The following USP39 variants were observed in gnomAD, a reference collection of about 807,000 sequenced individuals.
The protein encoded by USP39 is ubiquitin carboxyl-terminal hydrolase 39.
A neutral mutation model predicts 66.4 loss-of-function variants in USP39; 38 were observed. The observed-to-expected ratio is 0.57, with a 90% CI of 0.44 to 0.75. The LOEUF is 0.75. Among genes scored for constraint, USP39 ranks in the 30% least tolerant of loss-of-function variants. The pLI is 0.00. For missense variants in USP39, 608 were observed against 714.4 expected, an observed-to-expected ratio of 0.85 and a Z score of 1.70; for synonymous variants, 303 against 274.6, an observed-to-expected ratio of 1.10 and a Z score of -1.02.
Position 85,648,859 on chromosome 2 carries a change from T to A in USP39, c.*51T>A, listed in dbSNP as rs757560538. Reference sequence around the variant, plus strand: ...AAGGGCTGTGGCTGATGATGGTAAATAAGAACACAGAAGCTGTAGCTGAAC... The same window carrying A: ...AAGGGCTGTGGCTGATGATGGTAAAAAAGAACACAGAAGCTGTAGCTGAAC... On this transcript the variant is annotated 3_prime_UTR_variant, in exon 13 of 13. Coordinates refer to ENST00000323701, the MANE Select transcript of USP39 (RefSeq NM_006590.4). 1.2e-6 allele frequency: 2 copies of A among 1,606,502 alleles called. No individual in the cohort carries two copies. The highest frequency in any genetic ancestry group is 1.7e-6 in the Non-Finnish European group (2 of 1,174,762).
upstream of USP39, chr2:85,611,138 G>A: frequency 1.9e-6 from 1 of 517,926 alleles, no homozygotes; most frequent in South Asian, 4.1e-5. Flanking sequence ...TACTCGGGAG[G>A]CTAAGGCTGC....
Position 85,641,011 on chromosome 2 carries a change from C to T in USP39, c.1320C>T (p.Arg440=). 6.2e-7 allele frequency: 1 copy of T among 1,613,676 alleles called. No homozygotes were observed. Reference sequence around the variant, plus strand: ...CTTACAAGGAGAACTTTCTGAAGCGCTTCCAGCTTACCAAGTTGCCTCCAT... The same window carrying T: ...CTTACAAGGAGAACTTTCTGAAGCGTTTCCAGCTTACCAAGTTGCCTCCAT... ...YKTYKENFLK[R]FQLTKLPPYL... The change falls in exon 10 of 13, where the codon CGC becomes CGT. Residue 440 remains arginine (R), a synonymous_variant. Coordinates refer to ENST00000323701, the MANE Select transcript of USP39 (RefSeq NM_006590.4).
At chr2:85,604,103 G>A (rs1010364844) in intron 1 of USP39, among the ~76,000 whole-genome samples, 4 of 152,164 alleles carry the variant, frequency 2.6e-5, no homozygotes, top group Non-Finnish European at 5.9e-5. Flanking sequence ...AAACAACAGG[G>A]TCCTGTGCTT....
chr2:85,635,556 T>C (rs1025455183), intron 6 of USP39, among the ~76,000 whole-genome samples: 1 of 151,696 alleles, frequency 6.6e-6, no homozygotes, highest in African/African-American at 2.4e-5. Context: ...TGAGACTCTG[T>C]CTCAAAAAAA....
intron 9 of USP39, among the ~76,000 whole-genome samples, chr2:85,640,747 A>G (rs1029477969): frequency 7.0e-6 from 1 of 142,320 alleles, no homozygotes; most frequent in Non-Finnish European, 1.5e-5. Flanking sequence ...TGATAGGATT[A>G]TAGGTGTGAG....
chr2:85,606,131 T>C (rs1335866129), intron 1 of USP39, among the ~76,000 whole-genome samples: 1 of 152,232 alleles, frequency 6.6e-6, no homozygotes, highest in Non-Finnish European at 1.5e-5. Flanking sequence ...GAACATTCCA[T>C]ATTGAATGGG....
chr2:85,618,451 A>G (rs1210962735), intron 1 of USP39, among the ~76,000 whole-genome samples: 1 of 151,324 alleles, frequency 6.6e-6, no homozygotes, highest in Non-Finnish European at 1.5e-5. Context: ...AGTCCCAGCT[A>G]CTCGGGAGGC....
At chr2:85,621,446 T>G in intron 2 of USP39, 39 bp from the exon 3 acceptor site, 5 of 1,587,414 alleles carry the variant, frequency 3.1e-6, no homozygotes, top group Non-Finnish European at 4.3e-6. Context: ...CCTTCCTACA[T>G]GTCCATCCTA....
intron 8 of USP39, among the ~76,000 whole-genome samples, chr2:85,638,838 A>G (rs1459782466): frequency 2.3e-5 from 3 of 132,308 alleles, no homozygotes; most frequent in African/African-American, 5.5e-5. Context: ...TGCCCGGCCA[A>G]TTTTTTTTTT....
intron 4 of USP39, 22 bp downstream of exon 4, chr2:85,623,804 T>A (rs760874160): frequency 1.9e-6 from 3 of 1,600,578 alleles, no homozygotes; most frequent in Non-Finnish European, 2.6e-6. Flanking sequence ...AGAGGGTTGG[T>A]TTGGGGTCCA....
At chr2:85,630,972 G>A in intron 6 of USP39, 26 bp downstream of exon 6, 2 of 1,599,836 alleles carry the variant, frequency 1.3e-6, no homozygotes, top group Non-Finnish European at 8.5e-7. Flanking sequence ...TCATGTTTCA[G>A]GACAACAAAA....
intron 8 of USP39, among the ~76,000 whole-genome samples, chr2:85,638,978 C>A (rs1313883755): frequency 6.6e-6 from 1 of 151,962 alleles, no homozygotes; most frequent in East Asian, 1.9e-4. Context: ...GGCCTCAGGG[C>A]TTTTTAGATA....
chr2:85,629,026 TA>T (rs1675099837), intron 5 of USP39, among the ~76,000 whole-genome samples: 1 of 152,170 alleles, frequency 6.6e-6, no homozygotes, highest in Non-Finnish European at 1.5e-5. Context: ...ACTGCATTTT[TA>T]TTTAGGGTGT....
chr2:85,617,417 C>G (rs1316717714), intron 1 of USP39, among the ~76,000 whole-genome samples: 1 of 152,334 alleles, frequency 6.6e-6, no homozygotes, highest in East Asian at 1.9e-4. Flanking sequence ...TGTGCACGTA[C>G]TGCGACCATT....
intron 11 of USP39, 152 bp downstream of exon 11, chr2:85,645,235 GTGGT>G (rs896154647): frequency 1.0e-4 from 105 of 1,037,106 alleles, no homozygotes; most frequent in Non-Finnish European, 4.6e-5. Flanking sequence ...GTTTAAGGCA[GTGGT>G]TCTCAATTTT....
In USP39 at chr2:85,637,354, T is replaced by C. The variant is rs778039217; in HGVS notation, c.1028-15T>C. 5 of 1,614,172 alleles carry C rather than the reference T, an allele frequency of 3.1e-6. No individual in the cohort carries two copies. Among genetic ancestry groups the C allele is most frequent in the Non-Finnish European group, 4.2e-6 (5 of 1,180,000 alleles). On this transcript the variant is annotated splice_polypyrimidine_tract_variant and intron_variant, in intron 7 of 12. Coordinates refer to ENST00000323701, the MANE Select transcript of USP39 (RefSeq NM_006590.4). ...CATCCTCACGGAATTTGTCTCTTGC[T>C]TCCTGTTTGTGCAGCTATTGTGACT...
intron 2 of USP39, among the ~76,000 whole-genome samples, chr2:85,619,731 A>T (rs1674303685): frequency 6.6e-6 from 1 of 151,954 alleles, no homozygotes; most frequent in Admixed American, 6.6e-5. Flanking sequence ...TTTTACAATA[A>T]TATAATTACT....
chr2:85,637,659 C>T (rs2104327598), intron 8 of USP39, among the ~76,000 whole-genome samples: 1 of 152,266 alleles, frequency 6.6e-6, no homozygotes, highest in East Asian at 1.9e-4. Flanking sequence ...GTGTTCTGGC[C>T]ACTAGGTGGT....
At chr2:85,620,991 AATT>A (rs1360470991) in intron 2 of USP39, among the ~76,000 whole-genome samples, 1 of 152,108 alleles carries the variant, frequency 6.6e-6, no homozygotes, top group Non-Finnish European at 1.5e-5. Flanking sequence ...TTTTGTAATT[AATT>A]ATTATTATTA....
Sources: gnomAD v4.1 joint callset for allele counts (sites outside exome capture counted in the v4.1 genomes callset) on GRCh38, gnomAD v4.1.1 for gene constraint, MANE v1.5 for transcripts, NCBI Gene and HGNC (gene_info 2026-07-23, HGNC 2026-07-21) for gene names.